CNTNAP2: variants seen among roughly 807,000 people sequenced by gnomAD.
CNTNAP2 encodes the protein contactin-associated protein-like 2.
CNTNAP2 carries 98 observed loss-of-function variants against 155.2 expected under a neutral mutation model. That is an observed-to-expected ratio of 0.63 (90% CI 0.54 to 0.75). The LOEUF is 0.75. CNTNAP2 is among the 30% of genes least tolerant of loss of function. CNTNAP2 has a pLI of 0.00. For missense variants in CNTNAP2, 1,727 were observed against 1,688.1 expected (o/e 1.02, Z -0.40); for synonymous variants, 651 against 631.2 (o/e 1.03, Z -0.47).
intron 8 of CNTNAP2, among the ~76,000 whole-genome samples, chr7:147,225,139 T>G (rs1803492518): frequency 6.6e-6 from 1 of 152,168 alleles, no homozygotes. Flanking sequence ...CCTAAGGCCT[T>G]TCAAATAGAA....
intron 13 of CNTNAP2, among the ~76,000 whole-genome samples, chr7:147,734,698 G>A (rs1796807581): frequency 6.6e-6 from 1 of 152,196 alleles, no homozygotes; most frequent in African/African-American, 2.4e-5. Flanking sequence ...TTCAGAACCT[G>A]TTATTGGTCT....
At chr7:146,413,866 A>G (rs1454247665) in intron 1 of CNTNAP2, among the ~76,000 whole-genome samples, 1 of 152,152 alleles carries the variant, frequency 6.6e-6, no homozygotes, top group Non-Finnish European at 1.5e-5. Flanking sequence ...AGTTGAGCTT[A>G]TAAGATCATG....
chr7:146,306,797 G>GCT (rs1477352036), intron 1 of CNTNAP2, among the ~76,000 whole-genome samples: 1 of 152,106 alleles, frequency 6.6e-6, no homozygotes, highest in Non-Finnish European at 1.5e-5. Context: ...CATGCTAAAA[G>GCT]CTCTCAATAA....
intron 17 of CNTNAP2, among the ~76,000 whole-genome samples, chr7:148,148,857 A>T (rs1287257328): frequency 6.6e-6 from 1 of 152,274 alleles, no homozygotes; most frequent in African/African-American, 2.4e-5. Flanking sequence ...AGCTGGGGCT[A>T]TAAAAGAGTT....
intron 3 of CNTNAP2, among the ~76,000 whole-genome samples, chr7:146,984,901 G>A (rs548203206): frequency 6.6e-6 from 1 of 152,264 alleles, no homozygotes; most frequent in African/African-American, 2.4e-5. Flanking sequence ...TTCTTTTTAA[G>A]TAGACATTTA....
intron 22 of CNTNAP2, among the ~76,000 whole-genome samples, chr7:148,401,474 A>G (rs140363714): frequency 2.0e-4 from 31 of 152,350 alleles, no homozygotes; most frequent in Admixed American, 9.1e-4. Flanking sequence ...GACTGGAACA[A>G]TTTGCCCACC....
intron 15 of CNTNAP2, among the ~76,000 whole-genome samples, chr7:148,101,350 A>AGTGTGTGTGTGT (rs4015917): frequency 4.2e-5 from 6 of 144,356 alleles, no homozygotes; most frequent in East Asian, 2.0e-4. Context: ...TAAAAAGTTC[A>AGTGTGTGTGTGT]GTGTGTGTGT....
intron 15 of CNTNAP2, among the ~76,000 whole-genome samples, chr7:148,110,753 G>A (rs556452204): frequency 2.6e-5 from 4 of 152,080 alleles, no homozygotes; most frequent in African/African-American, 7.2e-5. Flanking sequence ...CCAGCTCCCC[G>A]CTATGACCCT....
chr7:148,063,567 G>A (rs1048063381), intron 15 of CNTNAP2, among the ~76,000 whole-genome samples: 7 of 150,022 alleles, frequency 4.7e-5, no homozygotes, highest in African/African-American at 1.7e-4. Context: ...GCCCTTTCCA[G>A]ATATTTTTTC....
intron 3 of CNTNAP2, among the ~76,000 whole-genome samples, chr7:146,880,298 A>C (rs1231093210): frequency 1.3e-5 from 2 of 152,002 alleles, no homozygotes; most frequent in African/African-American, 4.8e-5. Flanking sequence ...TATAGAAAGA[A>C]ATTCATAAAA....
intron 13 of CNTNAP2, among the ~76,000 whole-genome samples, chr7:147,729,881 G>T (rs147155409): frequency 0.011 from 1,670 of 152,142 alleles, 96 homozygotes; most frequent in Admixed American, 0.087. Context: ...GACCAGTGAG[G>T]ATATAGAGAT....
At chr7:148,145,029 G>C (rs995265464) in intron 16 of CNTNAP2, among the ~76,000 whole-genome samples, 5 of 152,134 alleles carry the variant, frequency 3.3e-5, no homozygotes, top group African/African-American at 1.2e-4. Context: ...CAGGGAAGCT[G>C]ACATTGAGTG....
intron 13 of CNTNAP2, among the ~76,000 whole-genome samples, chr7:147,673,906 AC>A (rs1427587553): frequency 1.3e-5 from 2 of 152,220 alleles, no homozygotes; most frequent in African/African-American, 2.4e-5. Flanking sequence ...GTTAAATGGT[AC>A]AAAAATCAGT....
At chr7:147,478,419 C>A (rs1386992902) in intron 10 of CNTNAP2, among the ~76,000 whole-genome samples, 2 of 152,148 alleles carry the variant, frequency 1.3e-5, no homozygotes, top group Non-Finnish European at 2.9e-5. Context: ...TCCCAAAGTG[C>A]TGTGATTACA....
At chr7:146,860,603 A>G (rs927284116) in intron 3 of CNTNAP2, among the ~76,000 whole-genome samples, 3 of 152,220 alleles carry the variant, frequency 2.0e-5, no homozygotes, top group East Asian at 3.8e-4. Flanking sequence ...ACTCATCCCT[A>G]TGAAGACTGA....
intron 10 of CNTNAP2, among the ~76,000 whole-genome samples, chr7:147,442,500 C>G (rs935043661): frequency 2.2e-4 from 33 of 152,130 alleles, no homozygotes; most frequent in African/African-American, 7.7e-4. Flanking sequence ...GTGCCCTACT[C>G]TCCTGTGGCT....
At chr7:147,018,168 A>G (rs1442621657) in intron 3 of CNTNAP2, among the ~76,000 whole-genome samples, 2 of 152,094 alleles carry the variant, frequency 1.3e-5, no homozygotes, top group Admixed American at 1.3e-4. Context: ...TCAGTTTTGG[A>G]TAATTTATCT....
chr7:148,090,296 A>G (rs189047324), intron 15 of CNTNAP2, among the ~76,000 whole-genome samples: 161 of 152,246 alleles, frequency 1.1e-3, no homozygotes, highest in Middle Eastern at 6.8e-3. Context: ...AACAAAGGAA[A>G]CAATCCAACA....
At chr7:147,686,500 G>A (rs1313853525) in intron 13 of CNTNAP2, among the ~76,000 whole-genome samples, 3 of 151,960 alleles carry the variant, frequency 2.0e-5, no homozygotes, top group Non-Finnish European at 1.5e-5. Flanking sequence ...TGTGGATTTT[G>A]TCAGTGTGGA....
Sources: allele counts gnomAD v4.1 joint callset (sites outside exome capture counted in the v4.1 genomes callset), GRCh38; gene constraint gnomAD v4.1.1; transcripts MANE v1.5; gene names NCBI Gene and HGNC (gene_info 2026-07-23, HGNC 2026-07-21).